NBEA: variants seen among roughly 807,000 people sequenced by gnomAD.
The protein encoded by NBEA is neurobeachin, also known as lysosomal-trafficking regulator 2.
A neutral mutation model predicts 343.4 loss-of-function variants in NBEA; 44 were observed. That is an observed-to-expected ratio of 0.13 (90% confidence interval 0.10 to 0.16). The LOEUF (loss-of-function observed/expected upper bound fraction) is 0.16, where lower values mean the gene tolerates loss of function less well. Among genes scored for constraint, NBEA ranks in the 10% least tolerant of loss-of-function variants. NBEA has a pLI of 1.00. For missense variants in NBEA, 2,555 were observed against 3,631.3 expected, an observed-to-expected ratio of 0.70 and a Z score of 7.62; for synonymous variants, 1,175 against 1,238.7, an observed-to-expected ratio of 0.95 and a Z score of 1.08.
intron 37 of NBEA, 47 bp from the exon 38 acceptor site, chr13:35,352,110 A>G (rs775636657): frequency 7.6e-6 from 9 of 1,178,070 alleles, no homozygotes; most frequent in Non-Finnish European, 1.0e-5. Flanking sequence ...CCTTACTTAT[A>G]TGCAGTAAAA....
chr13:34,998,502 G>A (rs894481810), intron 1 of NBEA, among the ~76,000 whole-genome samples: 5 of 152,130 alleles, frequency 3.3e-5, no homozygotes, highest in African/African-American at 7.2e-5. Context: ...AGCTAAGACC[G>A]TAAGAGACAG....
At chr13:35,650,125 C>G (rs927646781) in intron 52 of NBEA, among the ~76,000 whole-genome samples, 1 of 152,214 alleles carries the variant, frequency 6.6e-6, no homozygotes, top group Non-Finnish European at 1.5e-5. Context: ...TTCTCCTACT[C>G]TATTCTGCTA....
chr13:35,252,512 A>G (rs1188252233), intron 34 of NBEA, among the ~76,000 whole-genome samples: 2 of 152,162 alleles, frequency 1.3e-5, no homozygotes, highest in African/African-American at 4.8e-5. Flanking sequence ...GGCACTGGCA[A>G]TTGTCATAAC....
At chr13:35,172,871 G>A (rs1169014311) in intron 26 of NBEA, among the ~76,000 whole-genome samples, 1 of 152,020 alleles carries the variant, frequency 6.6e-6, no homozygotes, top group African/African-American at 2.4e-5. Flanking sequence ...TGTACTACTT[G>A]TTACAGTATT....
intron 33 of NBEA, among the ~76,000 whole-genome samples, chr13:35,230,801 A>T (rs1281424129): frequency 6.6e-6 from 1 of 152,016 alleles, no homozygotes; most frequent in Non-Finnish European, 1.5e-5. Flanking sequence ...TCATTCTCAA[A>T]GTGTGTTTCC....
At chr13:35,035,952 T>C (rs1204393374) in intron 1 of NBEA, among the ~76,000 whole-genome samples, 1 of 152,056 alleles carries the variant, frequency 6.6e-6, no homozygotes, top group Non-Finnish European at 1.5e-5. Context: ...TAGGTCTTGC[T>C]CTTTCATCCA....
chr13:35,567,095 C>G, intron 45 of NBEA, 78 bp downstream of exon 45: 1 of 683,056 alleles, frequency 1.5e-6, no homozygotes, highest in Admixed American at 2.6e-5. Flanking sequence ...GTATATATAG[C>G]CAGTTAATGT....
At chr13:35,036,525 A>G (rs2062448133) in intron 1 of NBEA, among the ~76,000 whole-genome samples, 1 of 152,092 alleles carries the variant, frequency 6.6e-6, no homozygotes, top group Non-Finnish European at 1.5e-5. Flanking sequence ...TTTATTGCTT[A>G]TTAATGCCCT....
At chr13:35,547,060 C>T (rs1347384374) in intron 41 of NBEA, among the ~76,000 whole-genome samples, 8 of 152,140 alleles carry the variant, frequency 5.3e-5, no homozygotes, top group South Asian at 2.1e-4. Flanking sequence ...CTCAGAACAT[C>T]GTCTTTCATC....
chr13:35,067,979 C>G (rs2063717828), intron 8 of NBEA, among the ~76,000 whole-genome samples: 1 of 151,948 alleles, frequency 6.6e-6, no homozygotes, highest in Non-Finnish European at 1.5e-5. Context: ...CTCAAGTGAT[C>G]CTCCCACCTT....
intron 34 of NBEA, among the ~76,000 whole-genome samples, chr13:35,285,307 C>T (rs141048824): frequency 3.0e-4 from 46 of 152,144 alleles, no homozygotes; most frequent in African/African-American, 1.1e-3. Flanking sequence ...GCCCAGGTGA[C>T]AGAGCAAGAT....
At chr13:34,964,302 G>C (rs2059752641) in intron 1 of NBEA, among the ~76,000 whole-genome samples, 1 of 151,920 alleles carries the variant, frequency 6.6e-6, no homozygotes, top group Admixed American at 6.6e-5. Flanking sequence ...TCAAGAATCT[G>C]TTTGCTTACC....
chr13:34,982,850 T>G (rs2060405281), intron 1 of NBEA, among the ~76,000 whole-genome samples: 1 of 152,208 alleles, frequency 6.6e-6, no homozygotes, highest in South Asian at 2.1e-4. Context: ...TTTGCTTAAT[T>G]TTATCAGTTA....
chr13:35,194,737 T>C (rs2072459601), intron 30 of NBEA, among the ~76,000 whole-genome samples: 1 of 152,134 alleles, frequency 6.6e-6, no homozygotes, highest in Admixed American at 6.5e-5. Flanking sequence ...TAACATTTTA[T>C]TATATGGAGA....
At chr13:35,179,973 A>C (rs1340223098) in intron 28 of NBEA, among the ~76,000 whole-genome samples, 1 of 151,782 alleles carries the variant, frequency 6.6e-6, no homozygotes, top group African/African-American at 2.4e-5. Flanking sequence ...CCCACAATGT[A>C]TGAAATAGTA....
chr13:35,045,705 GT>G (rs1425034838), intron 4 of NBEA, among the ~76,000 whole-genome samples: 1 of 143,048 alleles, frequency 7.0e-6, no homozygotes, highest in Non-Finnish European at 1.6e-5. Context: ...AGTATACAGT[GT>G]TTTTTGTTTT....
intron 38 of NBEA, among the ~76,000 whole-genome samples, chr13:35,401,501 C>T (rs2043001378): frequency 6.6e-6 from 1 of 151,980 alleles, no homozygotes; most frequent in Admixed American, 6.6e-5. Flanking sequence ...CTTCAGATTT[C>T]CACTATTGTG....
At chr13:35,010,195 G>T (rs1336042719) in intron 1 of NBEA, among the ~76,000 whole-genome samples, 1 of 152,090 alleles carries the variant, frequency 6.6e-6, no homozygotes, top group African/African-American at 2.4e-5. Context: ...GAGATTGAAT[G>T]AGGTCATTTA....
chr13:35,339,478 C>T (rs952674462), intron 36 of NBEA, among the ~76,000 whole-genome samples: 1 of 152,000 alleles, frequency 6.6e-6, no homozygotes, highest in East Asian at 1.9e-4. Context: ...TATGGAAATG[C>T]AAATCAAAAG....
Sources: gnomAD v4.1 joint callset for allele counts (sites outside exome capture counted in the v4.1 genomes callset) on GRCh38, gnomAD v4.1.1 for gene constraint, MANE v1.5 for transcripts, NCBI Gene and HGNC (gene_info 2026-07-23, HGNC 2026-07-21) for gene names.